EBF2: variants seen among roughly 807,000 people sequenced by gnomAD.
The protein encoded by EBF2 is EBF transcription factor 2, also known as transcription factor COE2.
EBF2 carries 21 observed loss-of-function variants against 72.8 expected under a neutral mutation model. The observed-to-expected ratio is 0.29, with a 90% CI of 0.20 to 0.42. EBF2 has a LOEUF of 0.42. Among genes scored for constraint, EBF2 ranks in the 10% least tolerant of loss-of-function variants. The pLI is 1.00. For missense variants in EBF2, 637 were observed against 731.2 expected (o/e 0.87, Z 1.49); for synonymous variants, 299 against 274.2 (o/e 1.09, Z -0.89).
At position 26,005,486 on chromosome 8, in the gene EBF2, A is replaced by T. The variant is rs188276494; in HGVS notation, c.551+27599T>A. Among the ~76,000 whole-genome samples, 173 of 42,108 alleles carry T rather than the reference A, an allele frequency of 4.1e-3. 6 individuals are homozygous for T. The highest frequency in any genetic ancestry group is 0.018 in the African/African-American group (162 of 8,766). The allele number at this position is 42,108 out of a possible 152,430, so 27.6% of individuals were successfully genotyped here. Reference sequence around the variant, plus strand: ...TATAAAATATAATATTATTTATAAAATATATATTATAAAATATAATATATA... The same window carrying T: ...TATAAAATATAATATTATTTATAAATTATATATTATAAAATATAATATATA... On this transcript the variant is annotated intron_variant, in intron 6 of 15. Transcript: ENST00000520164.
chr8:25,881,606 G>A (rs1301442829), intron 10 of EBF2, among the ~76,000 whole-genome samples: 1 of 152,204 alleles, frequency 6.6e-6, no homozygotes, highest in South Asian at 2.1e-4. Flanking sequence ...GAAGTGCTGG[G>A]TAGAGGAAGG....
At chr8:25,986,178 A>G (rs1054940773) in intron 6 of EBF2, among the ~76,000 whole-genome samples, 2 of 152,052 alleles carry the variant, frequency 1.3e-5, no homozygotes, top group Non-Finnish European at 2.9e-5. Context: ...CTTATGGTTC[A>G]GATAACAGTT....
chr8:26,044,694 G>A lies in EBF2; in HGVS notation c.131+35C>T. Reference sequence around the variant, plus strand: ...ACGGAGAGACAGACCGTAAGAGCGAGAGACAGCATAATAATTGCGCGGCCG... The same window carrying A: ...ACGGAGAGACAGACCGTAAGAGCGAAAGACAGCATAATAATTGCGCGGCCG... On this transcript the variant is annotated intron_variant, in intron 1 of 15. Coordinates refer to ENST00000520164, the MANE Select transcript of EBF2 (RefSeq NM_022659.4). The surrounding 1 kb of genome is among the most constrained non-coding windows in gnomAD (Gnocchi z 4.1). 1 of 1,609,004 alleles carries A rather than the reference G, an allele frequency of 6.2e-7. No homozygotes were observed. The highest frequency in any genetic ancestry group is 8.5e-7 in the Non-Finnish European group (1 of 1,176,342).
chr8:25,938,371 C>A (rs1585201640), intron 6 of EBF2, among the ~76,000 whole-genome samples: 1 of 144,346 alleles, frequency 6.9e-6, no homozygotes, highest in East Asian at 2.0e-4. Flanking sequence ...TCCTCTCTTA[C>A]TTTGAAAAAA....
At chr8:25,977,217 G>A (rs1376403207) in intron 6 of EBF2, among the ~76,000 whole-genome samples, 2 of 152,154 alleles carry the variant, frequency 1.3e-5, no homozygotes, top group African/African-American at 2.4e-5. Context: ...TGAAGGGCAG[G>A]GCGGGGTTTC....
At chr8:25,918,868 C>T (rs182223358) in intron 6 of EBF2, among the ~76,000 whole-genome samples, 14 of 152,168 alleles carry the variant, frequency 9.2e-5, no homozygotes, top group East Asian at 1.9e-4. Flanking sequence ...ATCACAGAGG[C>T]GGGAAAGGAT....
chr8:26,017,961 C>A (rs777792137), intron 6 of EBF2, among the ~76,000 whole-genome samples: 7 of 152,114 alleles, frequency 4.6e-5, no homozygotes, highest in Non-Finnish European at 8.8e-5. Flanking sequence ...CGCACCAAGG[C>A]TCTGGGGTAT....
At chr8:25,922,954 GAA>G (rs34525953) in intron 6 of EBF2, among the ~76,000 whole-genome samples, 1 of 141,900 alleles carries the variant, frequency 7.0e-6, no homozygotes, top group South Asian at 2.3e-4. Context: ...ACTACTAAAG[GAA>G]AAAAAAAAAA....
intron 5 of EBF2, 31 bp from the exon 6 acceptor site, chr8:26,033,184 G>A: frequency 6.2e-7 from 1 of 1,606,662 alleles, no homozygotes; most frequent in South Asian, 1.1e-5. Flanking sequence ...AAGAGTGAAA[G>A]AAATTTATTA....
In EBF2 at chr8:26,030,541, G is replaced by A. The variant is rs187053439; in HGVS notation, c.551+2544C>T. Reference sequence around the variant, plus strand: ...GTATACATATGTAACAAACCTGCACGTTGTGCACATGTACCCTAAAATTTC... The same window carrying A: ...GTATACATATGTAACAAACCTGCACATTGTGCACATGTACCCTAAAATTTC... On this transcript the variant is annotated intron_variant, in intron 6 of 15. Coordinates refer to ENST00000520164, the MANE Select transcript of EBF2 (RefSeq NM_022659.4). 1.4e-3 allele frequency among the ~76,000 whole-genome samples: 207 copies of A among 151,798 alleles called. 4 individuals carry two copies. The highest frequency in any genetic ancestry group is 4.7e-3 in the African/African-American group (194 of 41,382).
At chr8:25,992,526 G>C (rs1049099389) in intron 6 of EBF2, among the ~76,000 whole-genome samples, 3 of 151,964 alleles carry the variant, frequency 2.0e-5, no homozygotes, top group African/African-American at 7.3e-5. Flanking sequence ...TAAGAGAGTG[G>C]AGAGGATTCA....
intron 10 of EBF2, among the ~76,000 whole-genome samples, chr8:25,870,001 A>G (rs979937930): frequency 8.5e-5 from 13 of 152,154 alleles, no homozygotes; most frequent in Non-Finnish European, 1.8e-4. Flanking sequence ...TGATCCTTCC[A>G]TCCCCCTCTG....
chr8:25,951,334 G>C (rs1206698768), intron 6 of EBF2, among the ~76,000 whole-genome samples: 5 of 152,134 alleles, frequency 3.3e-5, no homozygotes, highest in Admixed American at 6.5e-5. Context: ...GCCCAGGCCT[G>C]TCCCAGCTGA....
chr8:26,036,965 C>A lies in EBF2; in HGVS notation c.482+3063G>T, dbSNP rs570320731. Among the ~76,000 whole-genome samples, 94 of 152,130 alleles carry A rather than the reference C, an allele frequency of 6.2e-4. 1 individual carries two copies. The highest frequency in any genetic ancestry group is 2.2e-3 in the African/African-American group (90 of 41,516). On this transcript the variant is annotated intron_variant, in intron 5 of 15. Transcript: ENST00000520164. ...AACTGAGCTTGGCAATAGGTTAAGA[C>A]TGTGTTCGTAACAACCCCAGAGAGA...
At chr8:25,942,164 T>A (rs1206170007) in intron 6 of EBF2, among the ~76,000 whole-genome samples, 1 of 152,242 alleles carries the variant, frequency 6.6e-6, no homozygotes, top group Non-Finnish European at 1.5e-5. Context: ...AAGCCCCATC[T>A]GGGAACATGC....
intron 13 of EBF2, among the ~76,000 whole-genome samples, chr8:25,860,487 C>CTTTTT (rs57717365): frequency 7.2e-6 from 1 of 139,494 alleles, no homozygotes; most frequent in Non-Finnish European, 1.6e-5. Flanking sequence ...ATACCCAATC[C>CTTTTT]TTTTTTTTTT....
intron 10 of EBF2, among the ~76,000 whole-genome samples, chr8:25,868,929 G>C (rs1038789014): frequency 2.0e-5 from 3 of 151,880 alleles, no homozygotes; most frequent in Non-Finnish European, 4.4e-5. Context: ...ATACATTTTT[G>C]TTGGCAGTTT....
chr8:25,963,768 T>C (rs993274613), intron 6 of EBF2, among the ~76,000 whole-genome samples: 7 of 152,152 alleles, frequency 4.6e-5, no homozygotes, highest in African/African-American at 1.7e-4. Context: ...CTTGAATAAA[T>C]AGTAAGAGTT....
At chr8:26,005,579 G>GAGAGAGA (rs71216409) in intron 6 of EBF2, among the ~76,000 whole-genome samples, 7 of 63,758 alleles carry the variant, frequency 1.1e-4, no homozygotes, top group East Asian at 5.3e-4. Flanking sequence ...GAGAGAGAGA[G>GAGAGAGA]GTATTTTGGG....
Sources: allele counts gnomAD v4.1 joint callset (sites outside exome capture counted in the v4.1 genomes callset), GRCh38; gene constraint gnomAD v4.1.1; non-coding constraint Gnocchi (gnomAD v3.1); transcripts MANE v1.5; gene names NCBI Gene and HGNC (gene_info 2026-07-23, HGNC 2026-07-21).